Variants in PLXNA4 observed in about 807,000 individuals in gnomAD.
PLXNA4 encodes the protein plexin A4.
A neutral mutation model predicts 191.8 loss-of-function variants in PLXNA4; 44 were observed. The ratio of observed to expected loss-of-function variants is 0.23; its 90% confidence interval spans 0.18 to 0.29. PLXNA4 has a LOEUF of 0.29. PLXNA4 is among the 10% of genes least tolerant of loss of function. PLXNA4 has a pLI of 1.00. For missense variants in PLXNA4, 1,800 were observed against 2,488.8 expected, an observed-to-expected ratio of 0.72 and a Z score of 5.89; for synonymous variants, 1,082 against 1,009.5, an observed-to-expected ratio of 1.07 and a Z score of -1.36.
At chr7:132,630,673 G>A (rs1250157695) in intron 2 of PLXNA4, among the ~76,000 whole-genome samples, 2 of 151,918 alleles carry the variant, frequency 1.3e-5, no homozygotes, top group Non-Finnish European at 2.9e-5. Context: ...CACCACACCC[G>A]GCTAATTTTT....
chr7:132,234,596 T>TTGTGTGTGTGTG (rs60249306), intron 5 of PLXNA4, among the ~76,000 whole-genome samples: 3,549 of 144,178 alleles, frequency 0.025, 257 homozygotes, highest in East Asian at 0.14. Context: ...AGCATGTGTT[T>TTGTGTGTGTGTG]TGTGTGTGTG....
At chr7:132,209,159 G>A (rs143606495) in intron 10 of PLXNA4, among the ~76,000 whole-genome samples, 10 of 152,332 alleles carry the variant, frequency 6.6e-5, no homozygotes, top group African/African-American at 1.4e-4. Flanking sequence ...GTCTATTAAC[G>A]GAGTCAACCA....
At chr7:132,401,064 A>G (rs1793963365) in intron 3 of PLXNA4, among the ~76,000 whole-genome samples, 1 of 152,120 alleles carries the variant, frequency 6.6e-6, no homozygotes, top group African/African-American at 2.4e-5. Context: ...AAAGGGAGAG[A>G]CCTTTGGCTG....
chr7:132,482,910 C>A (rs1376281467), intron 3 of PLXNA4, among the ~76,000 whole-genome samples: 2 of 152,056 alleles, frequency 1.3e-5, no homozygotes, highest in African/African-American at 4.8e-5. Flanking sequence ...TCATGCTGGT[C>A]TTGAACTCCT....
At chr7:132,482,423 A>G (rs563399435) in intron 3 of PLXNA4, among the ~76,000 whole-genome samples, 1 of 152,254 alleles carries the variant, frequency 6.6e-6, no homozygotes, top group African/African-American at 2.4e-5. Context: ...AGGCTTGCCA[A>G]CAAACCCGGG....
chr7:132,279,441 C>T (rs1800397497), intron 4 of PLXNA4, among the ~76,000 whole-genome samples: 1 of 152,060 alleles, frequency 6.6e-6, no homozygotes, highest in African/African-American at 2.4e-5. Context: ...CCAGCCTGGG[C>T]AACATAGTGA....
intron 8 of PLXNA4, among the ~76,000 whole-genome samples, chr7:132,223,949 G>T (rs1226227040): frequency 6.6e-6 from 1 of 152,152 alleles, no homozygotes; most frequent in Non-Finnish European, 1.5e-5. Context: ...AAGGTCTGGA[G>T]CAGAGGGCTT....
chr7:132,501,347 C>T (rs1159320476), intron 2 of PLXNA4, among the ~76,000 whole-genome samples: 4 of 152,130 alleles, frequency 2.6e-5, no homozygotes, highest in African/African-American at 9.7e-5. Context: ...CGCCACTGTG[C>T]TCGGGCTCAT....
chr7:132,191,853 T>C (rs182979705), intron 14 of PLXNA4, among the ~76,000 whole-genome samples: 13 of 137,620 alleles, frequency 9.4e-5, no homozygotes, highest in African/African-American at 2.9e-4. Context: ...CACACACACA[T>C]ATATATGCAT....
intron 3 of PLXNA4, among the ~76,000 whole-genome samples, chr7:132,359,543 T>C (rs1450720001): frequency 6.6e-6 from 1 of 152,182 alleles, no homozygotes; most frequent in Non-Finnish European, 1.5e-5. Flanking sequence ...CCTGTTCTGT[T>C]CACTTCATTT....
chr7:132,392,507 G>A (rs1793538075), intron 3 of PLXNA4, among the ~76,000 whole-genome samples: 1 of 152,206 alleles, frequency 6.6e-6, no homozygotes, highest in African/African-American at 2.4e-5. Flanking sequence ...TGGGTTCACA[G>A]TCATGATACT....
chr7:132,520,812 G>A (rs534198281), intron 1 of PLXNA4, among the ~76,000 whole-genome samples: 1 of 152,108 alleles, frequency 6.6e-6, no homozygotes, highest in Admixed American at 6.5e-5. Flanking sequence ...CCCACCTTCT[G>A]GCCCCACAGA....
In PLXNA4 at chr7:132,622,546, G is replaced by GAAA. The variant is rs59775711; in HGVS notation, c.-87+23379_-87+23381dup. On this transcript the variant is annotated intron_variant, in intron 2 of 4. Transcript: ENST00000378539. ...CTAAAGAATTAGGAGCTATCTGAAG[G>GAAA]AAAAAAAAAAAAATCCCTGGCCTAT... 5.7e-3 allele frequency among the ~76,000 whole-genome samples: 815 copies of GAAA among 142,272 alleles called. 7 individuals are homozygous for GAAA. Among genetic ancestry groups the GAAA allele is most frequent in the Middle Eastern group, 0.025 (7 of 276 alleles). 93.3% of individuals were successfully genotyped at this position (142,272 alleles called of 152,430 possible). A position where few individuals can be genotyped will look rare whatever the true frequency, so the allele number is the denominator to read the frequency against.
intron 1 of PLXNA4, among the ~76,000 whole-genome samples, chr7:132,509,863 T>C (rs1798638555): frequency 6.6e-6 from 1 of 152,152 alleles, no homozygotes; most frequent in Non-Finnish European, 1.5e-5. Flanking sequence ...TGCAACCAGG[T>C]CCTCTGGGTT....
intron 1 of PLXNA4, among the ~76,000 whole-genome samples, chr7:132,555,328 T>C (rs1383853620): frequency 6.6e-6 from 1 of 152,230 alleles, no homozygotes; most frequent in African/African-American, 2.4e-5. Flanking sequence ...ACCAGCCACC[T>C]GCTCTTCTTC....
chr7:132,635,589 G>T (rs1803587562), intron 2 of PLXNA4, among the ~76,000 whole-genome samples: 1 of 152,150 alleles, frequency 6.6e-6, no homozygotes, highest in Non-Finnish European at 1.5e-5. Context: ...GAGGACTGAA[G>T]AGGAAGAAAT....
At chr7:132,252,313 T>TG (rs1799280483) in intron 4 of PLXNA4, among the ~76,000 whole-genome samples, 1 of 119,720 alleles carries the variant, frequency 8.4e-6, no homozygotes, top group African/African-American at 3.5e-5. Context: ...TTTTTTTTTT[T>TG]TTTTTTTTTT....
chr7:132,490,865 A>G (rs7808164), intron 2 of PLXNA4, among the ~76,000 whole-genome samples: 3,324 of 152,286 alleles, frequency 0.022, 131 homozygotes, highest in African/African-American at 0.077. Context: ...CTTTGGGGCC[A>G]GTTCCCCCAC....
At chr7:132,507,447 G>A in intron 2 of PLXNA4, 59 bp downstream of exon 2, 5 of 1,526,082 alleles carry the variant, frequency 3.3e-6, no homozygotes, top group Non-Finnish European at 4.4e-6. Context: ...GGGGCTACAG[G>A]CTGGGGTTCT....
Sources: allele counts gnomAD v4.1 joint callset (sites outside exome capture counted in the v4.1 genomes callset), GRCh38; gene constraint gnomAD v4.1.1; transcripts MANE v1.5; gene names NCBI Gene and HGNC (gene_info 2026-07-23, HGNC 2026-07-21).